The following CROCC2 variants were observed in gnomAD, a reference collection of about 807,000 sequenced individuals.
The protein encoded by CROCC2 is ciliary rootlet coiled-coil protein 2.
CROCC2 carries 163 observed loss-of-function variants against 177.6 expected under a neutral mutation model. The ratio of observed to expected loss-of-function variants is 0.92; its 90% CI spans 0.81 to 1.05. The LOEUF (loss-of-function observed/expected upper bound fraction) is 1.05, where lower values mean the gene tolerates loss of function less well. Among genes scored for constraint, CROCC2 ranks in the 50% least tolerant of loss-of-function variants. CROCC2 has a pLI of 0.00. For synonymous variants in CROCC2, 904 were observed against 787.3 expected (o/e 1.15, Z -2.48); for missense variants, 1,929 against 1,797.8 (o/e 1.07, Z -1.32).
Position 240,965,763 on chromosome 2 carries a change from T to C in CROCC2, c.3731T>C (p.Val1244Ala). The change falls in exon 24 of 32, where the codon GTC (valine) becomes GCC (alanine). Residue 1244 changes from valine to alanine, a missense_variant. Val to Ala is a moderately conservative substitution (Grantham distance 64). Coordinates refer to ENST00000690015, the MANE Select transcript of CROCC2 (RefSeq NM_001351305.2). The part of the protein sequence containing the change: ...EQTLRAELHS[V>A]TRKLQEASGV... Reference sequence around the variant, plus strand: ...ACCCTCCGAGCAGAGCTGCACAGTGTCACCAGGAAGCTGCAGGAAGCCAGT... The same window carrying C: ...ACCCTCCGAGCAGAGCTGCACAGTGCCACCAGGAAGCTGCAGGAAGCCAGT... 2.0e-6 allele frequency: 3 copies of C among 1,505,772 alleles called. No homozygotes were observed. Among genetic ancestry groups the C allele is most frequent in the Non-Finnish European group, 2.7e-6 (3 of 1,126,696 alleles). The allele number at this position is 1,505,772 out of a possible 1,614,324, so 93.3% of individuals were successfully genotyped here. A position where few individuals can be genotyped will look rare whatever the true frequency, so the allele number is the denominator to read the frequency against.
At chr2:240,969,113 T>C (rs901830989) in intron 27 of CROCC2, among the ~76,000 whole-genome samples, 1 of 152,126 alleles carries the variant, frequency 6.6e-6, no homozygotes, top group Non-Finnish European at 1.5e-5. Flanking sequence ...GCCAGCACAG[T>C]GCAGAGGAGA....
chr2:240,929,534 G>A (rs1449143657), intron 5 of CROCC2: 6 of 359,876 alleles, frequency 1.7e-5, no homozygotes, highest in East Asian at 7.5e-5. Context: ...CTCCCACTCC[G>A]CTCCGTTACA....
intron 21 of CROCC2, 27 bp from the exon 22 acceptor site, chr2:240,964,439 G>A (rs1399473101): frequency 6.5e-7 from 1 of 1,548,184 alleles, no homozygotes; most frequent in Non-Finnish European, 8.7e-7. Flanking sequence ...GAGGTGCGGG[G>A]GCCCCAGCCT....
chr2:240,936,118 C>T (rs1202786160), intron 14 of CROCC2, among the ~76,000 whole-genome samples: 8 of 152,222 alleles, frequency 5.3e-5, no homozygotes, highest in South Asian at 2.1e-4. Context: ...CCGCAGCCCC[C>T]GTCACATTCA....
intron 1 of CROCC2, among the ~76,000 whole-genome samples, chr2:240,913,024 C>T (rs1338603114): frequency 6.6e-6 from 1 of 152,198 alleles, no homozygotes; most frequent in African/African-American, 2.4e-5. Flanking sequence ...TCCCAATCTC[C>T]CAGGCCACAT....
Position 240,988,810 on chromosome 2 carries a change from G to T in CROCC2, c.4623G>T (p.Gln1541His). Reference sequence around the variant, plus strand: ...GGGCTGAGAAGGAGCAGCTGGACCAGTCTCTGAACAGCCTGCACCAGGAGG... The same window carrying T: ...GGGCTGAGAAGGAGCAGCTGGACCATTCTCTGAACAGCCTGCACCAGGAGG... Reference protein sequence around the residue: ...RLGAEKEQLDQSLNSLHQEVD... With the variant: ...RLGAEKEQLDHSLNSLHQEVD... Residue 1541 changes from glutamine (Q) to histidine (H), a missense_variant, in exon 29 of 32, where the codon CAG (glutamine) becomes CAT (histidine). Physicochemically the swap from Gln to His is conservative, Grantham distance 24. This residue lies in a region of CROCC2 where 388 missense variants were observed against 352.7 expected (regional missense o/e 1.10). Coordinates refer to ENST00000690015, the MANE Select transcript of CROCC2 (RefSeq NM_001351305.2). The T allele has an allele frequency of 4.6e-6, 7 of 1,518,210 alleles. No individual in the cohort carries two copies. Among genetic ancestry groups the T allele is most frequent in the Non-Finnish European group, 6.2e-6 (7 of 1,128,654 alleles). The allele number at this position is 1,518,210 out of a possible 1,614,324, so 94.0% of individuals were successfully genotyped here.
chr2:240,950,441 G>A lies in CROCC2; in HGVS notation c.2760G>A (p.Lys920=). The change falls in exon 18 of 32, where the codon AAG becomes AAA. Residue 920 remains lysine, a synonymous_variant. Coordinates refer to ENST00000690015, the MANE Select transcript of CROCC2 (RefSeq NM_001351305.2). ...GTGCAGCTGAGAGGGAGGCTCTGAA[G>A]GGGGAAATTCAGAGCCTGAAGCAGG... The part of the protein sequence containing the change: ...TKSAAEREAL[K]GEIQSLKQER... 1 of 1,550,314 alleles carries A rather than the reference G, an allele frequency of 6.5e-7. No homozygotes were observed. The highest frequency in any genetic ancestry group is 8.7e-7 in the Non-Finnish European group (1 of 1,146,840).
At chr2:240,910,478 C>A (rs1268898266) in intron 1 of CROCC2, among the ~76,000 whole-genome samples, 2 of 152,242 alleles carry the variant, frequency 1.3e-5, no homozygotes, top group African/African-American at 4.8e-5. Flanking sequence ...TTCACAATAT[C>A]TTCTTCCTGT....
chr2:240,910,674 G>A (rs961132706), intron 1 of CROCC2, among the ~76,000 whole-genome samples: 3 of 152,170 alleles, frequency 2.0e-5, no homozygotes, highest in Admixed American at 6.5e-5. Flanking sequence ...GCCGCGTACC[G>A]GCTCATAGTA....
In CROCC2 at chr2:240,930,155, C is replaced by A. The variant is rs565331656; in HGVS notation, c.646-11C>A. ...CCAGCCTGAAGTAGACAGGAGGCCTCTTGCTTTCAGACCCGGTCAGGGGGC... is the reference window on the plus strand; with the variant it reads ...CCAGCCTGAAGTAGACAGGAGGCCTATTGCTTTCAGACCCGGTCAGGGGGC... On this transcript the variant is annotated splice_polypyrimidine_tract_variant and intron_variant, in intron 5 of 31. Coordinates refer to ENST00000690015, the MANE Select transcript of CROCC2 (RefSeq NM_001351305.2). 2.8e-4 allele frequency: 151 copies of A among 543,536 alleles called. 1 individual carries two copies. The Middle Eastern group carries it at 5.0e-3, about 18-fold the overall frequency. The allele number at this position is 543,536 out of a possible 1,614,324, so 33.7% of individuals were successfully genotyped here. A position where few individuals can be genotyped will look rare whatever the true frequency, so the allele number is the denominator to read the frequency against.
intron 15 of CROCC2, among the ~76,000 whole-genome samples, chr2:240,946,608 G>A (rs1211444485): frequency 1.3e-5 from 2 of 152,202 alleles, no homozygotes; most frequent in East Asian, 1.9e-4. Flanking sequence ...CTCCCACAGT[G>A]CCCTCAGAAT....
intron 20 of CROCC2, among the ~76,000 whole-genome samples, chr2:240,961,259 GC>G (rs1553661326): frequency 6.6e-6 from 1 of 151,790 alleles, no homozygotes; most frequent in Non-Finnish European, 1.5e-5. Flanking sequence ...CATCATCCAC[GC>G]AGTGAGACCA....
At position 240,989,708 on chromosome 2, in the gene CROCC2, G is replaced by GCT. The variant is rs1559194269; in HGVS notation, c.4740_4741dup (p.Gln1581LeufsTer36). 5.8e-6 allele frequency: 9 copies of GCT among 1,550,344 alleles called. No homozygotes were observed. The highest frequency in any genetic ancestry group is 1.7e-4 in the Middle Eastern group (1 of 5,984). Reference sequence around the variant, plus strand: ...CACCCAGCGGCTCCAGGACCTGACAGCTCAGCACCAGCGGGACCTGGCCAC... The same window carrying GCT: ...CACCCAGCGGCTCCAGGACCTGACAGCTCTCAGCACCAGCGGGACCTGGCCAC... On this transcript the variant is annotated frameshift_variant, in exon 30 of 32. Transcript: ENST00000690015. LOFTEE classifies it high-confidence loss of function.
At chr2:240,919,936 G>A (rs970172716) in intron 2 of CROCC2, 47 bp from the exon 3 acceptor site, 2 of 695,862 alleles carry the variant, frequency 2.9e-6, no homozygotes, top group African/African-American at 3.5e-5. Context: ...GGCTGAGTGT[G>A]GGTGGGCCCT....
chr2:240,983,221 A>G (rs2059813614), intron 28 of CROCC2, 192 bp downstream of exon 28: 1 of 862,914 alleles, frequency 1.2e-6, no homozygotes, highest in African/African-American at 1.7e-5. Flanking sequence ...AGATGGGGAA[A>G]CTGAGCCTGG....
chr2:240,919,623 T>G (rs2059344895), intron 2 of CROCC2, among the ~76,000 whole-genome samples: 1 of 152,040 alleles, frequency 6.6e-6, no homozygotes, highest in Non-Finnish European at 1.5e-5. Context: ...GGGGACCAGG[T>G]CCCTTCCCCC....
chr2:240,925,834 A>G lies in CROCC2; in HGVS notation c.599A>G (p.Gln200Arg), dbSNP rs1162106856. 1.4e-6 allele frequency: 1 copy of G among 716,174 alleles called. No homozygotes were observed. The highest frequency in any genetic ancestry group is 1.7e-5 in the African/African-American group (1 of 57,362). 44.4% of individuals were successfully genotyped at this position (716,174 alleles called of 1,614,324 possible). A position where few individuals can be genotyped will look rare whatever the true frequency, so the allele number is the denominator to read the frequency against. The change falls in exon 5 of 32, where the codon CAG becomes CGG. Residue 200 changes from glutamine to arginine, a missense_variant. Gln to Arg is a conservative substitution (Grantham distance 43, BLOSUM62 1). This residue lies in a region of CROCC2 where 1,397 missense variants were observed against 1,239.9 expected (regional missense o/e 1.13). Transcript: ENST00000690015. ...CTGGCCGGGATGACGGGCAGCGTGC[A>G]GCGCCTGCAGGGCGAGCTGGAGCTG... ...RELAGMTGSV[Q>R]RLQGELELRR...
intron 20 of CROCC2, 118 bp downstream of exon 20, chr2:240,959,562 AG>A: frequency 7.7e-7 from 1 of 1,304,270 alleles, no homozygotes; most frequent in African/African-American, 1.5e-5. Flanking sequence ...ACCACAGAGA[AG>A]GGAAGAGTAG....
intron 20 of CROCC2, among the ~76,000 whole-genome samples, chr2:240,962,286 G>A (rs2106478212): frequency 6.6e-6 from 1 of 152,122 alleles, no homozygotes; most frequent in East Asian, 1.9e-4. Flanking sequence ...TGAGGCAGAG[G>A]GAGCGGGTGG....
Sources: gnomAD v4.1 joint callset for allele counts (sites outside exome capture counted in the v4.1 genomes callset) on GRCh38, gnomAD v4.1.1 for gene constraint, gnomAD v4.1.1 regional missense constraint, MANE v1.5 for transcripts, NCBI Gene and HGNC (gene_info 2026-07-23, HGNC 2026-07-21) for gene names.